Variants in NR3C1 observed in about 807,000 individuals in gnomAD.
NR3C1 encodes the protein glucocorticoid receptor.
NR3C1 carries 14 observed loss-of-function variants against 74.0 expected under a neutral mutation model. That is an observed-to-expected ratio of 0.19 (90% CI 0.12 to 0.30). The LOEUF is 0.30. NR3C1 is among the 10% of genes least tolerant of loss of function. NR3C1 has a pLI of 1.00. For synonymous variants in NR3C1, 308 were observed against 332.5 expected, an observed-to-expected ratio of 0.93 and a Z score of 0.80; for missense variants, 695 against 909.8, an observed-to-expected ratio of 0.76 and a Z score of 3.04.
chr5:143,300,583 C>G lies in NR3C1; in HGVS notation c.1649G>C (p.Ser550Thr). The G allele has an allele frequency of 6.2e-7, 1 of 1,614,182 alleles. No individual in the cohort carries two copies. The highest frequency in any genetic ancestry group is 1.3e-5 in the African/African-American group (1 of 75,056). Residue 550 changes from serine (S) to threonine (T), a missense_variant, in exon 5 of 9, where the codon AGC (serine) becomes ACC (threonine). Transcript: ENST00000394464. This position sits in a 1 kb window ranked among gnomAD's most constrained non-coding sequence, Gnocchi z 5.2. Reference sequence around the variant, plus strand: ...CCTCCAAGTTGAGTCTGGAACAGAGCTATCATATCCTGCATATAACACTTC... The same window carrying G: ...CCTCCAAGTTGAGTCTGGAACAGAGGTATCATATCCTGCATATAACACTTC... ...EPEVLYAGYD[S>T]SVPDSTWRIM...
chr5:143,352,521 G>C (rs531448926), intron 2 of NR3C1, among the ~76,000 whole-genome samples: 1 of 151,876 alleles, frequency 6.6e-6, no homozygotes, highest in African/African-American at 2.4e-5. Flanking sequence ...TTTATATGCT[G>C]GGTTTTTTAC....
At chr5:143,405,254 T>C (rs1311108312), upstream of NR3C1, 1 of 985,786 alleles carries the variant, frequency 1.0e-6, no homozygotes, top group Non-Finnish European at 1.2e-6. Context: ...TGACATCGCT[T>C]GCCAGCTCCT....
intron 2 of NR3C1, among the ~76,000 whole-genome samples, chr5:143,362,845 G>A (rs1012251079): frequency 1.3e-5 from 2 of 152,160 alleles, no homozygotes; most frequent in African/African-American, 4.8e-5. Flanking sequence ...ACAGATAACT[G>A]TTGAAGAAAA....
At chr5:143,294,045 C>A in intron 7 of NR3C1, 1 of 985,172 alleles carries the variant, frequency 1.0e-6, no homozygotes, top group Non-Finnish European at 1.2e-6. Context: ...GGTTCTCTTG[C>A]CTTGACTGAA....
chr5:143,334,578 T>C (rs1370607267), intron 2 of NR3C1, among the ~76,000 whole-genome samples: 2 of 152,126 alleles, frequency 1.3e-5, no homozygotes, highest in South Asian at 2.1e-4. Context: ...CTAGCATTTG[T>C]AGAAGGCTCC....
At position 143,279,372 on chromosome 5, in the gene NR3C1, A is replaced by C; in HGVS notation, c.*2517T>G. Reference sequence around the variant, plus strand: ...GATTGTTGGGATGAAAATCAGATTAATGTGTGAGATGTGCTTTCTGGTTTT... The same window carrying C: ...GATTGTTGGGATGAAAATCAGATTACTGTGTGAGATGTGCTTTCTGGTTTT... On this transcript the variant is annotated 3_prime_UTR_variant, in exon 9 of 9. Transcript: ENST00000394464. 6.4e-7 allele frequency: 1 copy of C among 1,551,154 alleles called. No individual in the cohort carries two copies. The highest frequency in any genetic ancestry group is 8.7e-7 in the Non-Finnish European group (1 of 1,148,248).
chr5:143,282,395 C>A (rs774334389), intron 8 of NR3C1, among the ~76,000 whole-genome samples, 173 bp downstream of exon 8: 1 of 135,220 alleles, frequency 7.4e-6, no homozygotes, highest in Non-Finnish European at 1.5e-5. Context: ...TCATAATTGG[C>A]CTTAGGAAAA....
In NR3C1 at chr5:143,281,590, C is replaced by T; in HGVS notation, c.*299G>A. On this transcript the variant is annotated 3_prime_UTR_variant, in exon 9 of 9. Transcript: ENST00000394464. ...ACTTTGGGCACTGGTGGTTTAGGTG[C>T]CATCCTTCTTTGACTGTGGAGATTA... is the stretch of plus-strand genomic sequence containing the variant. The T allele has an allele frequency of 3.1e-6, 1 of 320,482 alleles. No homozygotes were observed. Among genetic ancestry groups the T allele is most frequent in the Non-Finnish European group, 5.9e-6 (1 of 168,350 alleles). The allele number at this position is 320,482 out of a possible 1,614,324, so 19.9% of individuals were successfully genotyped here. A position where few individuals can be genotyped will look rare whatever the true frequency, so the allele number is the denominator to read the frequency against.
chr5:143,294,357 A>T, intron 7 of NR3C1: 1 of 901,836 alleles, frequency 1.1e-6, no homozygotes, highest in Non-Finnish European at 1.3e-6. Flanking sequence ...TTTACTTGAA[A>T]TGGCCTAAGG....
chr5:143,278,770 G>A lies in NR3C1; in HGVS notation c.*3119C>T, dbSNP rs933348654. 2.6e-5 allele frequency: 4 copies of A among 152,168 alleles called. No individual in the cohort carries two copies. Among genetic ancestry groups the A allele is most frequent in the African/African-American group, 9.7e-5 (4 of 41,432 alleles). 9.4% of individuals were successfully genotyped at this position (152,168 alleles called of 1,614,324 possible). On this transcript the variant is annotated 3_prime_UTR_variant, in exon 9 of 9. Coordinates refer to ENST00000394464, the MANE Select transcript of NR3C1 (RefSeq NM_000176.3). ...AGGGAACTAAAATTATGAGACTTAG[G>A]TGAAACTGGAATTGCTCCCTGCCTC...
chr5:143,305,642 A>G (rs975114840), intron 4 of NR3C1, among the ~76,000 whole-genome samples: 2 of 152,218 alleles, frequency 1.3e-5, no homozygotes, highest in Admixed American at 6.5e-5. Flanking sequence ...CTAATGCAGA[A>G]AAACAAATAC....
At chr5:143,342,475 G>A (rs746154537) in intron 2 of NR3C1, among the ~76,000 whole-genome samples, 1 of 152,194 alleles carries the variant, frequency 6.6e-6, no homozygotes, top group Non-Finnish European at 1.5e-5. Flanking sequence ...GCATTCTGTT[G>A]TTGCTCTCCA....
At chr5:143,367,144 A>T (rs1401297297) in intron 2 of NR3C1, among the ~76,000 whole-genome samples, 4 of 152,224 alleles carry the variant, frequency 2.6e-5, no homozygotes, top group African/African-American at 9.6e-5. Context: ...ACCATAAAAG[A>T]CCAGAAAAAC....
chr5:143,403,867 C>G (rs989594879), upstream of NR3C1: 23 of 977,034 alleles, frequency 2.4e-5, no homozygotes, highest in African/African-American at 3.7e-4. Flanking sequence ...ACCCCGGCCC[C>G]GACGGCGCCT....
chr5:143,283,222 T>G (rs1172291348), intron 7 of NR3C1, among the ~76,000 whole-genome samples: 1 of 152,228 alleles, frequency 6.6e-6, no homozygotes, highest in Non-Finnish European at 1.5e-5. Context: ...CATTTAACAT[T>G]GTTTATGTAC....
chr5:143,408,625 A>T (rs1448873689), upstream of NR3C1, among the ~76,000 whole-genome samples: 3 of 152,044 alleles, frequency 2.0e-5, no homozygotes, highest in Non-Finnish European at 4.4e-5. Context: ...TTTTTGTTTC[A>T]TATACACCTT....
chr5:143,303,763 G>A (rs1282530498), intron 4 of NR3C1, among the ~76,000 whole-genome samples: 1 of 152,068 alleles, frequency 6.6e-6, no homozygotes, highest in African/African-American at 2.4e-5. Context: ...TTTCTGGGAT[G>A]CAAGGCTCGT....
chr5:143,294,338 T>C (rs1393659996), intron 7 of NR3C1: 22 of 914,104 alleles, frequency 2.4e-5, no homozygotes, highest in Non-Finnish European at 2.7e-5. Context: ...TAAACATTGA[T>C]ATGTAATTTT....
chr5:143,410,157 C>T (rs764982007), intron 1 of NR3C1, among the ~76,000 whole-genome samples: 19 of 152,164 alleles, frequency 1.2e-4, no homozygotes, highest in Admixed American at 1.2e-3. Flanking sequence ...TGTGGCTCCT[C>T]ATATGTCATT....
Sources: allele counts gnomAD v4.1 joint callset (sites outside exome capture counted in the v4.1 genomes callset), GRCh38; gene constraint gnomAD v4.1.1; non-coding constraint Gnocchi (gnomAD v3.1); transcripts MANE v1.5; gene names NCBI Gene and HGNC (gene_info 2026-07-23, HGNC 2026-07-21).